The following SAMD12 variants were observed in gnomAD, a reference collection of about 807,000 sequenced individuals.
SAMD12 encodes the protein sterile alpha motif domain-containing protein 12.
SAMD12 carries 9 observed loss-of-function variants against 15.0 expected under a neutral mutation model. The ratio of observed to expected loss-of-function variants is 0.60; its 90% CI spans 0.36 to 1.05. The LOEUF is 1.05. Among genes scored for constraint, SAMD12 ranks in the 50% least tolerant of loss-of-function variants. SAMD12 has a pLI of 0.01. For missense variants in SAMD12, 230 were observed against 234.2 expected, an observed-to-expected ratio of 0.98 and a Z score of 0.12; for synonymous variants, 86 against 90.1, an observed-to-expected ratio of 0.96 and a Z score of 0.25.
At chr8:118,170,051 T>C in the SAMD12 span, among the ~76,000 whole-genome samples, 7,380 of 152,226 alleles carry the variant, frequency 0.048, 600 homozygotes, top group African/African-American at 0.17. Context: ...TTTACATTTG[T>C]TATTAGGCAA....
At chr8:118,381,206 G>A (rs552544721) in intron 3 of SAMD12, among the ~76,000 whole-genome samples, 14 of 152,188 alleles carry the variant, frequency 9.2e-5, no homozygotes, top group Admixed American at 2.0e-4. Context: ...TGGAGAGGAA[G>A]TGAGTTCTTG....
At chr8:118,444,428 C>G (rs916738862) in intron 2 of SAMD12, among the ~76,000 whole-genome samples, 54 of 152,214 alleles carry the variant, frequency 3.5e-4, no homozygotes, top group African/African-American at 1.3e-3. Context: ...TACAGACAAT[C>G]TGAAAGTGAA....
intron 2 of SAMD12, among the ~76,000 whole-genome samples, chr8:118,466,566 C>T (rs2130951125): frequency 6.6e-6 from 1 of 152,220 alleles, no homozygotes; most frequent in South Asian, 2.1e-4. Context: ...ACAAAAAACA[C>T]CCAAGTGGGG....
At chr8:118,438,519 C>T (rs76424671) in intron 3 of SAMD12, among the ~76,000 whole-genome samples, 22 of 152,016 alleles carry the variant, frequency 1.4e-4, no homozygotes, top group East Asian at 1.4e-3. Context: ...TTCACGCACC[C>T]GCCTCTACCC....
At chr8:118,532,245 AT>A (rs1376159718) in intron 2 of SAMD12, among the ~76,000 whole-genome samples, 1 of 152,138 alleles carries the variant, frequency 6.6e-6, no homozygotes, top group Non-Finnish European at 1.5e-5. Context: ...ATGTTTATTG[AT>A]TTGTGTATGT....
At chr8:118,545,421 C>G (rs760381146) in intron 2 of SAMD12, among the ~76,000 whole-genome samples, 4 of 152,182 alleles carry the variant, frequency 2.6e-5, no homozygotes, top group Admixed American at 1.3e-4. Flanking sequence ...GAACCAAGAT[C>G]GTGCCATTAC....
chr8:118,536,198 A>G (rs1825836003), intron 2 of SAMD12, among the ~76,000 whole-genome samples: 2 of 151,988 alleles, frequency 1.3e-5, no homozygotes, highest in Admixed American at 6.6e-5. Flanking sequence ...GATACCAAAT[A>G]TGTCCTCATT....
At chr8:118,325,478 A>G (rs12550739) in intron 4 of SAMD12, among the ~76,000 whole-genome samples, 10,337 of 152,236 alleles carry the variant, frequency 0.068, 677 homozygotes, top group African/African-American at 0.14. Flanking sequence ...TATTTAAGGT[A>G]TAAAATGTGA....
rs553284647 is a variant in SAMD12 at position 118,566,086 on chromosome 8, C to T, written c.192+14629G>A. ...TATAAGTCCCTCCTCTGTGTAAAACCTTTCATTGATCTTCCATTGCACTAG... is the reference window on the plus strand; with the variant it reads ...TATAAGTCCCTCCTCTGTGTAAAACTTTTCATTGATCTTCCATTGCACTAG... On this transcript the variant is annotated intron_variant, in intron 2 of 3. Transcript: ENST00000314727. Among the ~76,000 whole-genome samples the T allele has an allele frequency of 1.1e-4, 16 of 152,294 alleles. No homozygotes were observed. In the South Asian group the frequency reaches 2.9e-3, roughly 28 times the overall value.
chr8:118,366,395 GAATTT>G (rs1818769507), intron 4 of SAMD12, among the ~76,000 whole-genome samples: 1 of 152,132 alleles, frequency 6.6e-6, no homozygotes, highest in Admixed American at 6.5e-5. Context: ...TCAAAGGCAA[GAATTT>G]AATATTCATC....
Position 118,434,963 on chromosome 8 carries a change from C to T in SAMD12, c.322+4869G>A, listed in dbSNP as rs1445615297. 2.3e-4 allele frequency among the ~76,000 whole-genome samples: 19 copies of T among 83,754 alleles called. 8 individuals carry two copies. Among genetic ancestry groups the T allele is most frequent in the Admixed American group, 1.3e-3 (9 of 6,908 alleles). The allele number at this position is 83,754 out of a possible 152,430, so 54.9% of individuals were successfully genotyped here. ...CTAAAAATACAAAAAATTAGCCGGG[C>T]GTAGTGGCGGGCGCCTGTAGTCCCA... is the stretch of plus-strand genomic sequence containing the variant. On this transcript the variant is annotated intron_variant, in intron 3 of 3. Coordinates refer to ENST00000314727, the MANE Select transcript of SAMD12 (RefSeq NM_207506.3).
intron 4 of SAMD12, among the ~76,000 whole-genome samples, chr8:118,274,029 ACTAAAT>A (rs1232586796): frequency 2.0e-5 from 3 of 152,284 alleles, no homozygotes; most frequent in African/African-American, 7.2e-5. Flanking sequence ...TTTGGTGCTC[ACTAAAT>A]TACAGGCTGA....
At chr8:118,448,817 G>C (rs1169342327) in intron 2 of SAMD12, among the ~76,000 whole-genome samples, 5 of 152,152 alleles carry the variant, frequency 3.3e-5, no homozygotes, top group Non-Finnish European at 7.3e-5. Context: ...TAGCACTGTG[G>C]GCCTTGGGCT....
intron 3 of SAMD12, among the ~76,000 whole-genome samples, chr8:118,391,187 T>C (rs1820257387): frequency 1.3e-5 from 2 of 152,338 alleles, no homozygotes; most frequent in East Asian, 3.9e-4. Flanking sequence ...TCTTAGTCCC[T>C]GGGAAGACTC....
At chr8:118,193,461 A>G (rs1003365442) in exon 5 of SAMD12, 12 of 152,356 alleles carry the variant, frequency 7.9e-5, no homozygotes, top group African/African-American at 2.9e-4. Context: ...TCAGATCTAA[A>G]AAGACTAAGG....
intron 4 of SAMD12, among the ~76,000 whole-genome samples, chr8:118,321,901 A>G (rs1318111654): frequency 6.6e-6 from 1 of 152,198 alleles, no homozygotes; most frequent in African/African-American, 2.4e-5. Context: ...GTTGTTATTA[A>G]CTTGAACACT....
chr8:118,321,558 G>A (rs953292095), intron 4 of SAMD12, among the ~76,000 whole-genome samples: 1 of 152,072 alleles, frequency 6.6e-6, no homozygotes, highest in Non-Finnish European at 1.5e-5. Context: ...AAGTTGCATT[G>A]AGCCAAGATC....
chr8:118,481,384 G>A (rs1347242093), intron 2 of SAMD12, among the ~76,000 whole-genome samples: 1 of 152,192 alleles, frequency 6.6e-6, no homozygotes, highest in Non-Finnish European at 1.5e-5. Context: ...TCAGCGTGTA[G>A]TAGGAGCTAA....
At chr8:118,197,946 CACCCA>C (rs1350996515) in intron 4 of SAMD12, among the ~76,000 whole-genome samples, 1 of 152,202 alleles carries the variant, frequency 6.6e-6, no homozygotes, top group Admixed American at 6.5e-5. Context: ...GCATGGAAGA[CACCCA>C]ACTGAGAAAT....
Sources: gnomAD v4.1 joint callset for allele counts (sites outside exome capture counted in the v4.1 genomes callset) on GRCh38, gnomAD v4.1.1 for gene constraint, MANE v1.5 for transcripts, NCBI Gene and HGNC (gene_info 2026-07-23, HGNC 2026-07-21) for gene names.